The following KIZ variants were observed in gnomAD, a reference collection of about 807,000 sequenced individuals.
KIZ encodes the protein kizuna centrosomal protein, also known as centrosomal protein kizuna.
A neutral mutation model predicts 79.6 loss-of-function variants in KIZ; 68 were observed. The ratio of observed to expected loss-of-function variants is 0.85; its 90% CI spans 0.70 to 1.05. KIZ has a LOEUF of 1.05. Ranked by LOEUF, KIZ falls within the 50% of genes least tolerant of loss-of-function variation. KIZ has a pLI of 0.00. For missense variants in KIZ, 797 were observed against 800.4 expected, an observed-to-expected ratio of 1.00 and a Z score of 0.05; for synonymous variants, 280 against 281.8, an observed-to-expected ratio of 0.99 and a Z score of 0.06.
rs1174942370 is a variant in KIZ at position 21,162,847 on chromosome 20, C to T, written c.1043-3C>T. ...GGTAATCAGTTCATGTCGCCACTTG[C>T]AGATCATCTTGCTCACAGGGAACCA... On this transcript the variant is annotated splice_region_variant and splice_polypyrimidine_tract_variant and intron_variant, in intron 5 of 12. Transcript: ENST00000619189. 1 of 1,608,806 alleles carries T rather than the reference C, an allele frequency of 6.2e-7. No homozygotes were observed. The highest frequency in any genetic ancestry group is 1.1e-5 in the South Asian group (1 of 90,280).
chr20:21,241,689 A>G (rs1181999755), intron 11 of KIZ, among the ~76,000 whole-genome samples: 1 of 152,228 alleles, frequency 6.6e-6, no homozygotes, highest in Non-Finnish European at 1.5e-5. Context: ...ATTTTTTCCT[A>G]GAGTGCCACA....
chr20:21,185,367 T>C (rs547254758), intron 6 of KIZ, among the ~76,000 whole-genome samples: 1 of 152,138 alleles, frequency 6.6e-6, no homozygotes, highest in African/African-American at 2.4e-5. Context: ...TTTTCTTTAC[T>C]GTAGTGATTC....
chr20:21,134,660 GTTTTTTTT>G (rs537989513), intron 2 of KIZ, among the ~76,000 whole-genome samples: 1 of 130,522 alleles, frequency 7.7e-6, no homozygotes, highest in Non-Finnish European at 1.6e-5. Flanking sequence ...CATCTTTCAG[GTTTTTTTT>G]TTTTTTTTTT....
At chr20:21,237,544 C>A (rs1048342332) in intron 11 of KIZ, among the ~76,000 whole-genome samples, 9 of 152,070 alleles carry the variant, frequency 5.9e-5, no homozygotes, top group African/African-American at 1.7e-4. Context: ...CTCCCCTTGT[C>A]CCCCTGCTGA....
intron 9 of KIZ, among the ~76,000 whole-genome samples, chr20:21,221,246 C>T (rs1012341045): frequency 6.6e-6 from 1 of 152,142 alleles, no homozygotes; most frequent in African/African-American, 2.4e-5. Flanking sequence ...TGAGTTTTAG[C>T]TTTAGCAGAT....
intron 6 of KIZ, among the ~76,000 whole-genome samples, chr20:21,188,777 G>A (rs2034996682): frequency 6.6e-6 from 1 of 151,398 alleles, no homozygotes; most frequent in African/African-American, 2.4e-5. Context: ...TGGGCTCACT[G>A]CAAGCTCTGC....
chr20:21,238,547 C>A (rs1317039823), intron 11 of KIZ, among the ~76,000 whole-genome samples: 2 of 152,164 alleles, frequency 1.3e-5, no homozygotes, highest in Non-Finnish European at 2.9e-5. Context: ...TCTTTCCTGG[C>A]TGCTGTCTTG....
chr20:21,213,247 C>G (rs2036143105), intron 7 of KIZ, among the ~76,000 whole-genome samples: 1 of 152,238 alleles, frequency 6.6e-6, no homozygotes, highest in Non-Finnish European at 1.5e-5. Context: ...TCCAGACCTT[C>G]TGTCCGGGCC....
rs144464930 is a variant in KIZ, at chr20:21,214,474, C to A, written c.1447-61C>A. ...TTATATTTGAAGGCTATCTTTGAGA[C>A]CAAGAGGAATGTGGCTACAGTTTGT... On this transcript the variant is annotated intron_variant, in intron 7 of 12. Coordinates refer to ENST00000619189, the MANE Select transcript of KIZ (RefSeq NM_018474.6). 5 of 1,221,070 alleles carry A rather than the reference C, an allele frequency of 4.1e-6. No individual in the cohort carries two copies. The Admixed American group carries it at 8.3e-5, about 20-fold the overall frequency. 75.6% of individuals were successfully genotyped at this position (1,221,070 alleles called of 1,614,324 possible).
intron 9 of KIZ, among the ~76,000 whole-genome samples, chr20:21,227,058 G>C (rs1330267637): frequency 1.3e-5 from 2 of 152,164 alleles, no homozygotes; most frequent in Admixed American, 1.3e-4. Context: ...CTTTTCCAGA[G>C]TATCAAAATG....
chr20:21,192,844 C>T (rs1365360361), intron 6 of KIZ, among the ~76,000 whole-genome samples: 1 of 152,156 alleles, frequency 6.6e-6, no homozygotes, highest in African/African-American at 2.4e-5. Context: ...TGGCCTGGGA[C>T]AAAGTCTGTG....
intron 6 of KIZ, among the ~76,000 whole-genome samples, chr20:21,188,319 C>A (rs2034968634): frequency 6.6e-6 from 1 of 152,188 alleles, no homozygotes; most frequent in African/African-American, 2.4e-5. Context: ...AGAGTTTCCC[C>A]ACTCAGTCTG....
intron 6 of KIZ, chr20:21,195,541 A>T (rs538227982): frequency 6.6e-6 from 1 of 152,310 alleles, no homozygotes; most frequent in South Asian, 2.1e-4. Flanking sequence ...ATCCAAAAAC[A>T]TTAAGCCATG....
chr20:21,190,110 G>A (rs1231426732), intron 6 of KIZ, among the ~76,000 whole-genome samples: 1 of 152,234 alleles, frequency 6.6e-6, no homozygotes, highest in Admixed American at 6.5e-5. Context: ...GCCATCGGGT[G>A]TCAGGCTTGA....
intron 8 of KIZ, among the ~76,000 whole-genome samples, 176 bp from the exon 9 acceptor site, chr20:21,215,407 T>C: frequency 6.6e-6 from 1 of 152,178 alleles, no homozygotes; most frequent in East Asian, 1.9e-4. Flanking sequence ...TTTAAATTTT[T>C]GTCTATGAGA....
intron 6 of KIZ, among the ~76,000 whole-genome samples, chr20:21,175,501 A>G (rs1430846406): frequency 6.6e-6 from 1 of 152,180 alleles, no homozygotes; most frequent in East Asian, 1.9e-4. Context: ...CAGTCAGAAG[A>G]ACATGAGTGA....
intron 6 of KIZ, chr20:21,166,148 A>ATTTTTTTTT (rs34056823): frequency 7.8e-5 from 52 of 668,526 alleles, no homozygotes; most frequent in South Asian, 1.7e-4. Context: ...TGTATTTTGT[A>ATTTTTTTTT]TTTTTTTTTT....
At chr20:21,185,061 A>G (rs1469774527) in intron 6 of KIZ, among the ~76,000 whole-genome samples, 2 of 146,812 alleles carry the variant, frequency 1.4e-5, no homozygotes, top group Non-Finnish European at 3.0e-5. Context: ...GAAAAAAATA[A>G]TTGTGTGTGT....
At chr20:21,135,828 G>A (rs1219981699) in intron 2 of KIZ, among the ~76,000 whole-genome samples, 1 of 152,006 alleles carries the variant, frequency 6.6e-6, no homozygotes, top group Admixed American at 6.6e-5. Flanking sequence ...TTCACAGTTG[G>A]AGTAATTATA....
Sources: allele counts gnomAD v4.1 joint callset (sites outside exome capture counted in the v4.1 genomes callset), GRCh38; gene constraint gnomAD v4.1.1; transcripts MANE v1.5; gene names NCBI Gene and HGNC (gene_info 2026-07-23, HGNC 2026-07-21).